The following GALK1 variants were observed in gnomAD, a reference collection of about 807,000 sequenced individuals.
GALK1 encodes the protein galactokinase.
A neutral mutation model predicts 38.6 loss-of-function variants in GALK1; 30 were observed. The observed-to-expected ratio is 0.78, with a 90% CI of 0.58 to 1.05. The LOEUF (loss-of-function observed/expected upper bound fraction) is 1.05, where lower values mean the gene tolerates loss of function less well. GALK1 is among the 50% of genes least tolerant of loss of function. The pLI is 0.00. For synonymous variants in GALK1, 240 were observed against 233.6 expected, an observed-to-expected ratio of 1.03 and a Z score of -0.25; for missense variants, 512 against 540.5, an observed-to-expected ratio of 0.95 and a Z score of 0.52.
At chr17:75,755,790 G>A (rs1599319002), downstream of GALK1, 1 of 1,611,782 alleles carries the variant, frequency 6.2e-7, no homozygotes, top group African/African-American at 1.3e-5. Flanking sequence ...GAGCTGGCAG[G>A]AGCCGCGGTG....
downstream of GALK1, chr17:75,753,948 G>T: frequency 1.6e-6 from 2 of 1,272,190 alleles, no homozygotes; most frequent in Non-Finnish European, 2.0e-6. Context: ...AGCCTGCCCC[G>T]CAGTGCGACA....
At chr17:75,758,723 G>T in intron 5 of GALK1, 124 bp from the exon 6 acceptor site, 2 of 1,254,382 alleles carry the variant, frequency 1.6e-6, no homozygotes, top group Non-Finnish European at 2.2e-6. Flanking sequence ...GGCCGCGGGG[G>T]CAGGGCAGCC....
At chr17:75,754,580 C>T (rs767479365), downstream of GALK1, 14 of 1,613,552 alleles carry the variant, frequency 8.7e-6, no homozygotes, top group South Asian at 1.4e-4. Context: ...CTGCAGAGCA[C>T]CTGGTGAATG....
chr17:75,759,219 G>A (rs1018918615), intron 5 of GALK1, among the ~76,000 whole-genome samples: 1 of 152,144 alleles, frequency 6.6e-6, no homozygotes, highest in African/African-American at 2.4e-5. Flanking sequence ...CCTGAGGTCA[G>A]GAGCTCGAGA....
downstream of GALK1, among the ~76,000 whole-genome samples, chr17:75,756,012 A>G (rs1216097751): frequency 6.6e-6 from 1 of 151,636 alleles, no homozygotes; most frequent in Non-Finnish European, 1.5e-5. Flanking sequence ...TCTCCACCCC[A>G]CTTCTTTGCC....
Position 75,762,862 on chromosome 17 carries a change from G to C in GALK1, c.635C>G (p.Pro212Arg), listed in dbSNP as rs770716297. ...DCRSLETSLV[P>R]LSDPKLAVLI... ...CACGGCCAGCTTGGGGTCCGAGAGT[G>C]GCACCAGGCTGGTCTCCAAGGACCT... Residue 212 changes from proline to arginine, a missense_variant, in exon 5 of 8, where the codon CCA (proline) becomes CGA (arginine). Coordinates refer to ENST00000588479, the MANE Select transcript of GALK1 (RefSeq NM_000154.2). 3 of 1,613,418 alleles carry C rather than the reference G, an allele frequency of 1.9e-6. No homozygotes were observed. Among genetic ancestry groups the C allele is most frequent in the Admixed American group, 3.3e-5 (2 of 60,010 alleles).
At chr17:75,763,823 A>G (rs2061598372) in intron 2 of GALK1, 74 bp downstream of exon 2, 1 of 1,380,306 alleles carries the variant, frequency 7.2e-7, no homozygotes, top group Non-Finnish European at 1.0e-6. Flanking sequence ...TATCAGACAA[A>G]TGAATGGGCT....
chr17:75,762,241 CAA>C (rs2061590377), intron 5 of GALK1, among the ~76,000 whole-genome samples: 1 of 151,058 alleles, frequency 6.6e-6, no homozygotes, highest in African/African-American at 2.4e-5. Context: ...CCCTTGAGCT[CAA>C]GAGTTCAAGT....
At chr17:75,757,299 C>G, downstream of GALK1, 2 of 1,612,340 alleles carry the variant, frequency 1.2e-6, no homozygotes, top group Admixed American at 3.3e-5. Flanking sequence ...GCCACCGAGC[C>G]CTTCCTAGTG....
downstream of GALK1, chr17:75,754,403 G>C: frequency 1.4e-6 from 1 of 737,308 alleles, no homozygotes; most frequent in Non-Finnish European, 2.2e-6. Context: ...GGTGGCCCTT[G>C]GGCTCCTGCA....
chr17:75,764,690 G>C (rs1199087215), intron 1 of GALK1: 1 of 590,072 alleles, frequency 1.7e-6, no homozygotes, highest in Non-Finnish European at 3.1e-6. Flanking sequence ...AGTTTAAGGG[G>C]AACATGCTCC....
At position 75,757,964 on chromosome 17, in the gene GALK1, A is replaced by ATG; in HGVS notation, c.*91_*92insCA. On this transcript the variant is annotated 3_prime_UTR_variant, in exon 8 of 8. Transcript: ENST00000588479. ...CCACATTGGAGGCACAAGTTTATTG[A>ATG]GCACCCGGATATGGAAGATGGCACC... 1 of 1,416,172 alleles carries ATG rather than the reference A, an allele frequency of 7.1e-7. No homozygotes were observed. The highest frequency in any genetic ancestry group is 2.3e-5 in the East Asian group (1 of 43,020). The allele number at this position is 1,416,172 out of a possible 1,614,324, so 87.7% of individuals were successfully genotyped here.
chr17:75,765,122 T>A lies in GALK1; in HGVS notation c.15A>T (p.Arg5Ser). 6.3e-7 allele frequency: 1 copy of A among 1,576,204 alleles called. No individual in the cohort carries two copies. The highest frequency in any genetic ancestry group is 8.6e-7 in the Non-Finnish European group (1 of 1,162,910). MAAL[R>S]QPQVAELLAE... ...CCAGCAGCTCCGCGACCTGGGGCTG[T>A]CTCAAAGCAGCCATGACGCGCGCCT... Residue 5 changes from arginine to serine, a missense_variant, in exon 1 of 8, where the codon AGA (arginine) becomes AGT (serine). Coordinates refer to ENST00000588479, the MANE Select transcript of GALK1 (RefSeq NM_000154.2).
downstream of GALK1, chr17:75,755,698 C>T (rs760043192): frequency 5.6e-6 from 9 of 1,612,802 alleles, no homozygotes; most frequent in Non-Finnish European, 6.8e-6. Context: ...CTCCTGTCCC[C>T]AGACTCTCGC....
intron 1 of GALK1, 152 bp downstream of exon 1, chr17:75,764,820 C>T (rs1568395994): frequency 2.4e-6 from 2 of 818,486 alleles, no homozygotes; most frequent in African/African-American, 1.7e-5. Flanking sequence ...CAGCCTGTCC[C>T]GGGGACTCTT....
chr17:75,753,779 T>C (rs1436560329), downstream of GALK1: 1 of 1,452,546 alleles, frequency 6.9e-7, no homozygotes, highest in South Asian at 1.4e-5. Context: ...CGGCTGGAAG[T>C]TCGAGCCCCT....
At chr17:75,754,035 G>A, downstream of GALK1, 1 of 796,190 alleles carries the variant, frequency 1.3e-6, no homozygotes, top group Non-Finnish European at 1.7e-6. Context: ...GCGCCTGAGG[G>A]CCTGGGGTGG....
downstream of GALK1, chr17:75,756,749 T>C (rs756055248): frequency 6.2e-7 from 1 of 1,612,802 alleles, no homozygotes; most frequent in Non-Finnish European, 8.5e-7. Flanking sequence ...GGCCCGCTGG[T>C]GTTCACTGCC....
Position 75,757,964 on chromosome 17 carries a change from A to G in GALK1, c.*92T>C. The G allele has an allele frequency of 7.1e-7, 1 of 1,416,290 alleles. No individual in the cohort carries two copies. Among genetic ancestry groups the G allele is most frequent in the Non-Finnish European group, 9.8e-7 (1 of 1,017,682 alleles). The allele number at this position is 1,416,290 out of a possible 1,614,324, so 87.7% of individuals were successfully genotyped here. A position where few individuals can be genotyped will look rare whatever the true frequency, so the allele number is the denominator to read the frequency against. On this transcript the variant is annotated 3_prime_UTR_variant, in exon 8 of 8. Coordinates refer to ENST00000588479, the MANE Select transcript of GALK1 (RefSeq NM_000154.2). ...CCACATTGGAGGCACAAGTTTATTG[A>G]GCACCCGGATATGGAAGATGGCACC...
Sources: allele counts gnomAD v4.1 joint callset (sites outside exome capture counted in the v4.1 genomes callset), GRCh38; gene constraint gnomAD v4.1.1; transcripts MANE v1.5; gene names NCBI Gene and HGNC (gene_info 2026-07-23, HGNC 2026-07-21).